The following MACROD2 variants were observed in gnomAD, a reference collection of about 807,000 sequenced individuals.
The protein encoded by MACROD2 is ADP-ribose glycohydrolase MACROD2.
A neutral mutation model predicts 70.4 loss-of-function variants in MACROD2; 36 were observed. The ratio of observed to expected loss-of-function variants is 0.51; its 90% CI spans 0.39 to 0.68. The LOEUF (loss-of-function observed/expected upper bound fraction) is 0.68. MACROD2 is among the 30% of genes least tolerant of loss of function. The probability of loss-of-function intolerance (pLI) is 0.00; values close to 1 mark genes in which losing one functional copy is unlikely to be tolerated. For synonymous variants in MACROD2, 172 were observed against 178.8 expected (o/e 0.96, Z 0.30); for missense variants, 496 against 538.4 (o/e 0.92, Z 0.78).
At chr20:14,646,935 C>G (rs1299309157) in intron 4 of MACROD2, among the ~76,000 whole-genome samples, 1 of 151,996 alleles carries the variant, frequency 6.6e-6, no homozygotes, top group Non-Finnish European at 1.5e-5. Context: ...GTGCGGGTGT[C>G]TGGGGTTTTG....
intron 6 of MACROD2, among the ~76,000 whole-genome samples, chr20:15,274,763 A>G (rs979501641): frequency 6.6e-6 from 1 of 152,264 alleles, no homozygotes; most frequent in African/African-American, 2.4e-5. Context: ...GATGAACACT[A>G]ATCAAATAAT....
chr20:14,482,019 G>A (rs143718900), intron 3 of MACROD2, among the ~76,000 whole-genome samples: 28 of 152,288 alleles, frequency 1.8e-4, no homozygotes, highest in African/African-American at 5.8e-4. Context: ...CTGGCTTGGT[G>A]ATTCAGAGCA....
chr20:15,804,717 C>T (rs1223577671), intron 8 of MACROD2, among the ~76,000 whole-genome samples: 1 of 152,136 alleles, frequency 6.6e-6, no homozygotes, highest in Non-Finnish European at 1.5e-5. Context: ...TTACCTATAT[C>T]TCTTTGGCAC....
chr20:15,155,001 T>C (rs1035060196), intron 5 of MACROD2, among the ~76,000 whole-genome samples: 9 of 152,076 alleles, frequency 5.9e-5, no homozygotes, highest in African/African-American at 2.2e-4. Context: ...CTAGGCTGAA[T>C]GGGTTAAAAG....
Position 14,648,365 on chromosome 20 carries a change from A to G in MACROD2, c.302-36478A>G, listed in dbSNP as rs55830567. 2.2e-3 allele frequency among the ~76,000 whole-genome samples: 329 copies of G among 152,292 alleles called. 3 individuals are homozygous for G. The highest frequency in any genetic ancestry group is 3.6e-3 in the Non-Finnish European group (245 of 68,018). ...AAATGGTTCATTATAGGACTCACTA[A>G]CTGAAAGTACCCAGGTGACATTGAA... On this transcript the variant is annotated intron_variant, in intron 4 of 17. Transcript: ENST00000684519.
At chr20:15,971,201 T>C (rs1299044226) in intron 13 of MACROD2, among the ~76,000 whole-genome samples, 2 of 152,148 alleles carry the variant, frequency 1.3e-5, no homozygotes, top group South Asian at 2.1e-4. Context: ...TACATACTTA[T>C]TGTGCATTTT....
chr20:14,476,513 G>A (rs571948678), intron 3 of MACROD2, among the ~76,000 whole-genome samples: 3 of 152,150 alleles, frequency 2.0e-5, no homozygotes, highest in South Asian at 2.1e-4. Flanking sequence ...GCACCACCAC[G>A]CCCAGCTAAC....
intron 6 of MACROD2, among the ~76,000 whole-genome samples, chr20:15,425,877 G>C (rs1024036401): frequency 6.6e-6 from 1 of 152,174 alleles, no homozygotes; most frequent in African/African-American, 2.4e-5. Flanking sequence ...AGAAGCAAGT[G>C]GTAGGGATGA....
intron 8 of MACROD2, among the ~76,000 whole-genome samples, chr20:15,626,514 C>T (rs1439638526): frequency 6.6e-6 from 1 of 152,196 alleles, no homozygotes; most frequent in Non-Finnish European, 1.5e-5. Flanking sequence ...AGGTGCAAAG[C>T]ATTAGGCTAG....
intron 5 of MACROD2, among the ~76,000 whole-genome samples, chr20:14,768,378 T>C (rs539004242): frequency 6.6e-6 from 1 of 152,294 alleles, no homozygotes; most frequent in African/African-American, 2.4e-5. Context: ...GAATAGAGTA[T>C]GTGAACATTT....
intron 5 of MACROD2, among the ~76,000 whole-genome samples, chr20:14,946,876 C>T (rs1400430356): frequency 6.6e-6 from 1 of 152,038 alleles, no homozygotes; most frequent in African/African-American, 2.4e-5. Flanking sequence ...TGTATTCTCC[C>T]CCAATGGCTG....
chr20:14,635,891 A>G (rs1189881302), intron 4 of MACROD2, among the ~76,000 whole-genome samples: 3 of 152,194 alleles, frequency 2.0e-5, no homozygotes, highest in Non-Finnish European at 4.4e-5. Context: ...TCAAATGGTA[A>G]TAAATGCTGA....
At chr20:14,484,617 CCCT>C (rs2084701009) in intron 3 of MACROD2, among the ~76,000 whole-genome samples, 2 of 138,524 alleles carry the variant, frequency 1.4e-5, no homozygotes, top group Non-Finnish European at 3.2e-5. Flanking sequence ...CTGGTAACCA[CCCT>C]TCTTTTCTCC....
At chr20:15,424,882 C>G (rs2046277401) in intron 6 of MACROD2, among the ~76,000 whole-genome samples, 1 of 152,212 alleles carries the variant, frequency 6.6e-6, no homozygotes, top group African/African-American at 2.4e-5. Context: ...TATACACATA[C>G]ACACTTGGTT....
intron 5 of MACROD2, among the ~76,000 whole-genome samples, chr20:15,210,995 T>C (rs2145947116): frequency 6.6e-6 from 1 of 152,322 alleles, no homozygotes; most frequent in East Asian, 1.9e-4. Context: ...AATTCAGTGG[T>C]GTTGGCACAT....
chr20:15,430,876 T>G (rs1379302567), intron 6 of MACROD2, among the ~76,000 whole-genome samples: 1 of 152,018 alleles, frequency 6.6e-6, no homozygotes, highest in Admixed American at 6.6e-5. Context: ...CAATAGCCAG[T>G]CTGTGGTTTT....
At chr20:16,030,902 C>T (rs1019732907) in intron 15 of MACROD2, among the ~76,000 whole-genome samples, 3 of 152,078 alleles carry the variant, frequency 2.0e-5, no homozygotes, top group Admixed American at 1.3e-4. Flanking sequence ...AATGGTCAAA[C>T]CATGTTTTAA....
chr20:15,568,722 C>T (rs754334881), intron 8 of MACROD2, among the ~76,000 whole-genome samples: 8 of 152,142 alleles, frequency 5.3e-5, no homozygotes, highest in Non-Finnish European at 1.0e-4. Flanking sequence ...GATATGTGCT[C>T]CTACAATGAT....
intron 8 of MACROD2, among the ~76,000 whole-genome samples, chr20:15,606,442 A>G (rs2048894335): frequency 6.6e-6 from 1 of 151,854 alleles, no homozygotes; most frequent in South Asian, 2.1e-4. Flanking sequence ...GACTGAACAC[A>G]GGTTTCAGCC....
Sources: gnomAD v4.1 joint callset for allele counts (sites outside exome capture counted in the v4.1 genomes callset) on GRCh38, gnomAD v4.1.1 for gene constraint, MANE v1.5 for transcripts, NCBI Gene and HGNC (gene_info 2026-07-23, HGNC 2026-07-21) for gene names.